RASGRF2: variants seen among roughly 807,000 people sequenced by gnomAD.
RASGRF2 encodes the protein ras-specific guanine nucleotide-releasing factor 2.
RASGRF2 carries 76 observed loss-of-function variants against 151.0 expected under a neutral mutation model. That is an observed-to-expected ratio of 0.50 (90% CI 0.42 to 0.61). The LOEUF is 0.61. RASGRF2 is among the 20% of genes least tolerant of loss of function. The pLI is 0.00. For missense variants in RASGRF2, 1,148 were observed against 1,564.6 expected, an observed-to-expected ratio of 0.73 and a Z score of 4.49; for synonymous variants, 504 against 566.5, an observed-to-expected ratio of 0.89 and a Z score of 1.57.
chr5:81,173,019 G>C (rs960999728), intron 17 of RASGRF2, among the ~76,000 whole-genome samples: 2 of 152,108 alleles, frequency 1.3e-5, no homozygotes, highest in African/African-American at 4.8e-5. Context: ...TCTACTCCAA[G>C]CCAGTTTGAG....
rs1395886482 is a variant in RASGRF2, at chr5:81,229,295, G to A, written c.*3525G>A. The A allele has an allele frequency of 6.6e-6, 1 of 152,036 alleles. No homozygotes were observed. Among genetic ancestry groups the A allele is most frequent in the African/African-American group, 2.4e-5 (1 of 41,392 alleles). 9.4% of individuals were successfully genotyped at this position (152,036 alleles called of 1,614,324 possible). A position where few individuals can be genotyped will look rare whatever the true frequency, so the allele number is the denominator to read the frequency against. ...GCATAAAAGAGAACATACTATTTATGGCTGAAGGGTATAGCCAGGCTAATG... is the reference window on the plus strand; with the variant it reads ...GCATAAAAGAGAACATACTATTTATAGCTGAAGGGTATAGCCAGGCTAATG... On this transcript the variant is annotated 3_prime_UTR_variant, in exon 27 of 27. Transcript: ENST00000265080.
intron 2 of RASGRF2, among the ~76,000 whole-genome samples, chr5:81,055,656 G>C (rs565409797): frequency 1.3e-5 from 2 of 152,290 alleles, no homozygotes; most frequent in South Asian, 2.1e-4. Context: ...AAATGAGTTA[G>C]GGAGGATTCC....
intron 1 of RASGRF2, among the ~76,000 whole-genome samples, chr5:81,038,582 T>A: frequency 7.2e-6 from 1 of 139,744 alleles, no homozygotes; most frequent in African/African-American, 2.7e-5. Context: ...TTTTTTTTTT[T>A]TTTTTTTTGT....
At position 81,217,451 on chromosome 5, in the gene RASGRF2, T is replaced by C; in HGVS notation, c.3530T>C (p.Val1177Ala). The C allele has an allele frequency of 6.2e-7, 1 of 1,613,028 alleles. No homozygotes were observed. Among genetic ancestry groups the C allele is most frequent in the Non-Finnish European group, 8.5e-7 (1 of 1,179,698 alleles). Residue 1177 changes from valine (V) to alanine (A), a missense_variant, in exon 25 of 27, where the codon GTC (valine) becomes GCC (alanine). Physicochemically the swap from Val to Ala is moderately conservative, Grantham distance 64. Transcript: ENST00000265080. ...CCAAACTTTACTGAGGAAGGCCTTGTCAATTTCTCCAAAATGAGAATGGTA... is the reference window on the plus strand; with the variant it reads ...CCAAACTTTACTGAGGAAGGCCTTGCCAATTTCTCCAAAATGAGAATGGTA... ...GTPNFTEEGL[V>A]NFSKMRMISH...
At chr5:81,003,802 G>T (rs1262445091) in intron 1 of RASGRF2, among the ~76,000 whole-genome samples, 1 of 152,196 alleles carries the variant, frequency 6.6e-6, no homozygotes, top group African/African-American at 2.4e-5. Context: ...CTGAACTACA[G>T]ACCTAAAGAA....
At chr5:80,995,397 TATACACAC>T (rs1332930500) in intron 1 of RASGRF2, among the ~76,000 whole-genome samples, 1 of 107,542 alleles carries the variant, frequency 9.3e-6, no homozygotes, top group Non-Finnish European at 2.3e-5. Flanking sequence ...TATATATATA[TATACACAC>T]ACACACACAC....
At chr5:81,014,988 C>T (rs780614380) in intron 1 of RASGRF2, among the ~76,000 whole-genome samples, 81 of 152,038 alleles carry the variant, frequency 5.3e-4, no homozygotes, top group Non-Finnish European at 9.4e-4. Context: ...GGCATAGTCA[C>T]GACTCACTGT....
At chr5:81,179,028 T>C (rs1358945344) in intron 17 of RASGRF2, among the ~76,000 whole-genome samples, 1 of 152,216 alleles carries the variant, frequency 6.6e-6, no homozygotes, top group Non-Finnish European at 1.5e-5. Context: ...TGAGCCACCG[T>C]GCCCAGCCTA....
At chr5:80,997,543 G>A (rs1748924057) in intron 1 of RASGRF2, 1 of 148,856 alleles carries the variant, frequency 6.7e-6, no homozygotes, top group Non-Finnish European at 1.5e-5. Context: ...GGCTAAAATG[G>A]GAATTCACTG....
chr5:81,072,118 A>G (rs1751795067), intron 4 of RASGRF2, among the ~76,000 whole-genome samples: 1 of 152,218 alleles, frequency 6.6e-6, no homozygotes, highest in Non-Finnish European at 1.5e-5. Context: ...TTAACAATGA[A>G]TGAATCGTTT....
intron 1 of RASGRF2, among the ~76,000 whole-genome samples, chr5:80,962,971 C>T (rs1453540264): frequency 6.6e-6 from 1 of 152,134 alleles, no homozygotes; most frequent in Non-Finnish European, 1.5e-5. Flanking sequence ...AGCAAGCATT[C>T]CAGAATGGAT....
intron 1 of RASGRF2, among the ~76,000 whole-genome samples, chr5:80,982,403 C>T (rs551091317): frequency 9.9e-5 from 15 of 151,450 alleles, no homozygotes; most frequent in Admixed American, 2.6e-4. Flanking sequence ...ACAGGAACAT[C>T]TGAAATCACC....
chr5:81,166,822 G>A (rs765316056), intron 17 of RASGRF2, among the ~76,000 whole-genome samples: 45 of 152,132 alleles, frequency 3.0e-4, no homozygotes, highest in Non-Finnish European at 6.5e-4. Flanking sequence ...AACCCGAGAT[G>A]AGGGGATTTT....
intron 17 of RASGRF2, among the ~76,000 whole-genome samples, chr5:81,146,714 C>G (rs1284043496): frequency 6.6e-6 from 1 of 152,160 alleles, no homozygotes; most frequent in African/African-American, 2.4e-5. Flanking sequence ...CCTCGCTACC[C>G]TGCTCTGTTG....
chr5:81,225,862 A>C lies in RASGRF2; in HGVS notation c.*92A>C. On this transcript the variant is annotated 3_prime_UTR_variant, in exon 27 of 27. Transcript: ENST00000265080. ...CCTTGCCTATCACGGTACAGCACGA[A>C]GCCAGGCTCCTTTCTCCACCAAAGA... The C allele has an allele frequency of 7.5e-7, 1 of 1,330,348 alleles. No individual in the cohort carries two copies. The highest frequency in any genetic ancestry group is 1.0e-6 in the Non-Finnish European group (1 of 995,800). The allele number at this position is 1,330,348 out of a possible 1,614,324, so 82.4% of individuals were successfully genotyped here. A position where few individuals can be genotyped will look rare whatever the true frequency, so the allele number is the denominator to read the frequency against.
At position 81,227,301 on chromosome 5, in the gene RASGRF2, G is replaced by A. The variant is rs1756020482; in HGVS notation, c.*1531G>A. 6.6e-6 allele frequency: 1 copy of A among 152,180 alleles called. No individual in the cohort carries two copies. Among genetic ancestry groups the A allele is most frequent in the African/African-American group, 2.4e-5 (1 of 41,438 alleles). The allele number at this position is 152,180 out of a possible 1,614,324, so 9.4% of individuals were successfully genotyped here. On this transcript the variant is annotated 3_prime_UTR_variant, in exon 27 of 27. Coordinates refer to ENST00000265080, the MANE Select transcript of RASGRF2 (RefSeq NM_006909.3). ...GTAATGCACCATAGAGGTAGAGAAT[G>A]TACACTTTCTGCACGGTAAGTGCCA... is the stretch of plus-strand genomic sequence containing the variant.
intron 18 of RASGRF2, among the ~76,000 whole-genome samples, chr5:81,195,703 A>G (rs986935304): frequency 1.3e-5 from 2 of 152,114 alleles, no homozygotes; most frequent in African/African-American, 4.8e-5. Context: ...TCTCTGTTCC[A>G]GATCCCCTGA....
At chr5:81,148,110 A>C (rs965354030) in intron 17 of RASGRF2, among the ~76,000 whole-genome samples, 1 of 152,234 alleles carries the variant, frequency 6.6e-6, no homozygotes, top group African/African-American at 2.4e-5. Context: ...CGTATTCATT[A>C]CAACGAGCCT....
chr5:80,976,463 A>G (rs1381101501), intron 1 of RASGRF2, among the ~76,000 whole-genome samples: 1 of 152,228 alleles, frequency 6.6e-6, no homozygotes, highest in South Asian at 2.1e-4. Flanking sequence ...CTGGAAGTAT[A>G]TAACTAGGAA....
Sources: gnomAD v4.1 joint callset for allele counts (sites outside exome capture counted in the v4.1 genomes callset) on GRCh38, gnomAD v4.1.1 for gene constraint, MANE v1.5 for transcripts, NCBI Gene and HGNC (gene_info 2026-07-23, HGNC 2026-07-21) for gene names.